SLC23A2: variants seen among roughly 807,000 people sequenced by gnomAD.
SLC23A2 encodes the protein solute carrier family 23 member 2.
SLC23A2 carries 36 observed loss-of-function variants against 73.3 expected under a neutral mutation model. The ratio of observed to expected loss-of-function variants is 0.49; its 90% CI spans 0.38 to 0.65. The LOEUF (loss-of-function observed/expected upper bound fraction) is 0.65. SLC23A2 is among the 30% of genes least tolerant of loss of function. The probability of loss-of-function intolerance (pLI) is 0.00; values close to 1 mark genes in which losing one functional copy is unlikely to be tolerated. For missense variants in SLC23A2, 507 were observed against 841.6 expected (o/e 0.60, Z 4.92); for synonymous variants, 343 against 327.3 (o/e 1.05, Z -0.52).
chr20:4,893,395 C>A (rs932313998), intron 6 of SLC23A2, among the ~76,000 whole-genome samples: 7 of 152,042 alleles, frequency 4.6e-5, no homozygotes, highest in Admixed American at 1.3e-4. Context: ...GCTCAAAAAT[C>A]AAAAAAATTA....
At chr20:4,966,794 A>G (rs1355129374) in intron 2 of SLC23A2, among the ~76,000 whole-genome samples, 1 of 99,976 alleles carries the variant, frequency 1.0e-5, no homozygotes, top group African/African-American at 3.5e-5. Context: ...TGGATGTGTA[A>G]ACTTTTGATA....
At chr20:4,951,029 A>G (rs1391992407) in intron 2 of SLC23A2, among the ~76,000 whole-genome samples, 1 of 152,138 alleles carries the variant, frequency 6.6e-6, no homozygotes, top group Non-Finnish European at 1.5e-5. Flanking sequence ...AAGCGCCCAG[A>G]ACACAGGTCC....
chr20:4,872,609 T>C lies in SLC23A2; in HGVS notation c.1102+1327A>G, dbSNP rs1044329451. 1.3e-5 allele frequency among the ~76,000 whole-genome samples: 2 copies of C among 152,190 alleles called. No homozygotes were observed. Among genetic ancestry groups the C allele is most frequent in the East Asian group, 3.8e-4 (2 of 5,198 alleles). The stretch of plus-strand genomic sequence containing the variant: ...TGCCACCCCCGCCTCGCCCTCACCC[T>C]GACTGCCTCACCAACTAATTGTAAT... On this transcript the variant is annotated intron_variant, in intron 11 of 16. Transcript: ENST00000338244. This position sits in a 1 kb window ranked among gnomAD's most constrained non-coding sequence, Gnocchi z 4.4.
chr20:4,957,728 C>A (rs999638038), intron 2 of SLC23A2, among the ~76,000 whole-genome samples: 1 of 151,500 alleles, frequency 6.6e-6, no homozygotes, highest in African/African-American at 2.4e-5. Flanking sequence ...TGGTGAAACC[C>A]CATCTCTACT....
chr20:4,957,273 C>G (rs1482589048), intron 2 of SLC23A2, among the ~76,000 whole-genome samples: 1 of 151,982 alleles, frequency 6.6e-6, no homozygotes, highest in Non-Finnish European at 1.5e-5. Flanking sequence ...CTGGACAACA[C>G]AGCAAGACTC....
intron 1 of SLC23A2, among the ~76,000 whole-genome samples, chr20:5,009,858 G>C (rs1278816349): frequency 1.3e-5 from 2 of 151,862 alleles, no homozygotes; most frequent in East Asian, 3.9e-4. Flanking sequence ...CACTTTGGGA[G>C]GCCGAGGCGG....
chr20:4,977,759 G>A (rs1017507986), intron 1 of SLC23A2, among the ~76,000 whole-genome samples: 1 of 150,726 alleles, frequency 6.6e-6, no homozygotes, highest in Non-Finnish European at 1.5e-5. Context: ...GGCTGGTCTC[G>A]AACTCCTGAG....
intron 2 of SLC23A2, among the ~76,000 whole-genome samples, chr20:4,956,104 A>T (rs2087284662): frequency 6.6e-6 from 1 of 152,244 alleles, no homozygotes; most frequent in African/African-American, 2.4e-5. Context: ...AATTCTTCAG[A>T]AATAATTTTG....
intron 1 of SLC23A2, among the ~76,000 whole-genome samples, chr20:4,975,444 C>T (rs1265925912): frequency 6.6e-6 from 1 of 151,524 alleles, no homozygotes; most frequent in Non-Finnish European, 1.5e-5. Flanking sequence ...GCAGTGGTGC[C>T]ATCTTGGCTC....
intron 3 of SLC23A2, among the ~76,000 whole-genome samples, chr20:4,931,798 C>A (rs1932793948): frequency 6.6e-6 from 1 of 152,078 alleles, no homozygotes; most frequent in South Asian, 2.1e-4. Context: ...AGAAAAAAAT[C>A]CTAGAATACT....
At chr20:4,867,459 A>C (rs1930249190) in intron 13 of SLC23A2, among the ~76,000 whole-genome samples, 1 of 151,912 alleles carries the variant, frequency 6.6e-6, no homozygotes, top group South Asian at 2.1e-4. Flanking sequence ...TAGAATGTAA[A>C]CTCCACTTTT....
rs1273366095 is a variant in SLC23A2, at chr20:4,998,692, C to T, written c.-282+2714G>A. On this transcript the variant is annotated intron_variant, in intron 1 of 16. Coordinates refer to ENST00000338244, the MANE Select transcript of SLC23A2 (RefSeq NM_005116.6). This position sits in a 1 kb window ranked among gnomAD's most constrained non-coding sequence, Gnocchi z 4.1. Reference sequence around the variant, plus strand: ...AGGCCAGGAAACGGTTCAGGAAGGACTGTAAGATGTTTAAATTTAAAAAGC... The same window carrying T: ...AGGCCAGGAAACGGTTCAGGAAGGATTGTAAGATGTTTAAATTTAAAAAGC... Among the ~76,000 whole-genome samples, 1 of 151,964 alleles carries T rather than the reference C, an allele frequency of 6.6e-6. No homozygotes were observed. The highest frequency in any genetic ancestry group is 1.9e-4 in the East Asian group (1 of 5,202).
intron 3 of SLC23A2, among the ~76,000 whole-genome samples, 166 bp from the exon 4 acceptor site, chr20:4,913,144 G>A (rs370060496): frequency 1.3e-3 from 198 of 152,294 alleles, no homozygotes; most frequent in African/African-American, 4.5e-3. Context: ...AGGCTCAGCC[G>A]GGGAGAAAAG....
At chr20:4,961,564 A>G (rs570601379) in intron 2 of SLC23A2, among the ~76,000 whole-genome samples, 1 of 152,290 alleles carries the variant, frequency 6.6e-6, no homozygotes, top group East Asian at 1.9e-4. Flanking sequence ...AAAGCTCATC[A>G]GCTATCATTA....
At chr20:4,929,102 T>C (rs563239039) in intron 3 of SLC23A2, among the ~76,000 whole-genome samples, 1 of 151,728 alleles carries the variant, frequency 6.6e-6, no homozygotes, top group Non-Finnish European at 1.5e-5. Flanking sequence ...AAAAAATATA[T>C]ATATACACAA....
chr20:4,939,224 T>C (rs2087005011), intron 2 of SLC23A2, among the ~76,000 whole-genome samples: 1 of 152,246 alleles, frequency 6.6e-6, no homozygotes, highest in Non-Finnish European at 1.5e-5. Context: ...GTGCTGAACT[T>C]GGCACATATA....
intron 9 of SLC23A2, among the ~76,000 whole-genome samples, chr20:4,881,260 G>C (rs1030757743): frequency 6.6e-6 from 1 of 152,276 alleles, no homozygotes; most frequent in Admixed American, 6.5e-5. Context: ...GCAAAATAGG[G>C]GCTGGATCTG....
chr20:4,918,284 T>C (rs1449137375), intron 3 of SLC23A2, among the ~76,000 whole-genome samples: 1 of 152,210 alleles, frequency 6.6e-6, no homozygotes, highest in African/African-American at 2.4e-5. Flanking sequence ...GGGAACAAGA[T>C]GTCCTTTCTT....
chr20:4,877,750 A>G (rs1239403579), intron 9 of SLC23A2, among the ~76,000 whole-genome samples: 1 of 152,236 alleles, frequency 6.6e-6, no homozygotes, highest in Non-Finnish European at 1.5e-5. Flanking sequence ...ATGGGGGTTC[A>G]TTAAACTATT....
Sources: gnomAD v4.1 joint callset for allele counts (sites outside exome capture counted in the v4.1 genomes callset) on GRCh38, gnomAD v4.1.1 for gene constraint, Gnocchi (gnomAD v3.1) non-coding constraint, MANE v1.5 for transcripts, NCBI Gene and HGNC (gene_info 2026-07-23, HGNC 2026-07-21) for gene names.